Variants in FOXP1 observed in about 807,000 individuals in gnomAD.
FOXP1 encodes forkhead box P1.
In FOXP1, 15 loss-of-function variants were observed where a neutral mutation model predicts 98.2. The ratio of observed to expected loss-of-function variants is 0.15; its 90% CI spans 0.10 to 0.24. FOXP1 has a LOEUF of 0.24. Among genes scored for constraint, FOXP1 ranks in the 10% least tolerant of loss-of-function variants. FOXP1 has a pLI of 1.00. For missense variants in FOXP1, 633 were observed against 848.5 expected (o/e 0.75, Z 3.15); for synonymous variants, 371 against 314.5 (o/e 1.18, Z -1.90).
chr3:71,245,006 A>G (rs1365871692), intron 5 of FOXP1: 1 of 152,124 alleles, frequency 6.6e-6, no homozygotes, highest in Non-Finnish European at 1.5e-5. Context: ...AGTGGCTTAC[A>G]TTTCCAAACA....
intron 3 of FOXP1, among the ~76,000 whole-genome samples, chr3:71,404,829 G>C (rs950624941): frequency 2.0e-5 from 3 of 152,180 alleles, no homozygotes. Flanking sequence ...CTAATCAATA[G>C]TATCAACTGA....
chr3:71,060,244 T>G (rs1236668713), intron 7 of FOXP1, among the ~76,000 whole-genome samples: 1 of 152,174 alleles, frequency 6.6e-6, no homozygotes, highest in Admixed American at 6.5e-5. Flanking sequence ...GCAATCACTC[T>G]TTAGAAAGAA....
intron 3 of FOXP1, among the ~76,000 whole-genome samples, chr3:71,449,749 G>A (rs771280321): frequency 6.6e-6 from 1 of 152,190 alleles, no homozygotes; most frequent in Non-Finnish European, 1.5e-5. Flanking sequence ...TACTGATCAT[G>A]CAATCTGACC....
At chr3:70,976,551 T>C (rs1044758720) in intron 17 of FOXP1, among the ~76,000 whole-genome samples, 2 of 152,212 alleles carry the variant, frequency 1.3e-5, no homozygotes, top group African/African-American at 2.4e-5. Context: ...CCAGGTTCCA[T>C]CTCTGGAGAT....
chr3:71,140,555 A>G (rs1313322867), intron 6 of FOXP1, among the ~76,000 whole-genome samples: 1 of 152,218 alleles, frequency 6.6e-6, no homozygotes, highest in African/African-American at 2.4e-5. Context: ...AATTGTGAAA[A>G]CAGCATTTAT....
chr3:71,375,381 C>T (rs1359645775), intron 3 of FOXP1, among the ~76,000 whole-genome samples: 1 of 152,152 alleles, frequency 6.6e-6, no homozygotes. Flanking sequence ...ACAGACTAAA[C>T]AGTGTGATAT....
At chr3:71,058,394 C>T (rs1378623804) in intron 7 of FOXP1, among the ~76,000 whole-genome samples, 1 of 152,144 alleles carries the variant, frequency 6.6e-6, no homozygotes, top group African/African-American at 2.4e-5. Flanking sequence ...TTTAGAAACT[C>T]TTTTTACCCT....
intron 6 of FOXP1, among the ~76,000 whole-genome samples, chr3:71,179,266 T>A (rs1003789832): frequency 1.3e-5 from 2 of 151,360 alleles, no homozygotes; most frequent in Non-Finnish European, 2.9e-5. Flanking sequence ...GTAGCTGGGA[T>A]TACAGGTGCC....
At chr3:71,367,170 CAGA>C (rs2078982196) in intron 3 of FOXP1, among the ~76,000 whole-genome samples, 1 of 152,170 alleles carries the variant, frequency 6.6e-6, no homozygotes, top group African/African-American at 2.4e-5. Flanking sequence ...AACTTCTGTG[CAGA>C]AGGAGGGAGG....
rs545961530 is a variant in FOXP1, at chr3:71,296,726, A to G, written c.-12+3094T>C. Among the ~76,000 whole-genome samples, 7 of 152,246 alleles carry G rather than the reference A, an allele frequency of 4.6e-5. No individual in the cohort carries two copies. The East Asian group carries it at 9.6e-4, about 21-fold the overall frequency. On this transcript the variant is annotated intron_variant, in intron 5 of 20. Coordinates refer to ENST00000649528, the MANE Select transcript of FOXP1 (RefSeq NM_001349338.3). ...TCTCCCTCTTGAAATCTGGTCCCCA[A>G]TGTCAGAGGAGGGGCCAATAGAAGG...
At chr3:71,560,200 T>C (rs2046431283) in intron 2 of FOXP1, among the ~76,000 whole-genome samples, 1 of 152,208 alleles carries the variant, frequency 6.6e-6, no homozygotes, top group African/African-American at 2.4e-5. Flanking sequence ...CGGTGCTCCA[T>C]AATGTTTTCG....
intron 3 of FOXP1, among the ~76,000 whole-genome samples, chr3:71,418,300 T>A (rs2083375725): frequency 6.6e-6 from 1 of 152,096 alleles, no homozygotes; most frequent in African/African-American, 2.4e-5. Context: ...AAGGCTCAAC[T>A]CAACAAGATG....
intron 19 of FOXP1, chr3:70,969,722 T>C (rs916333142): frequency 6.6e-6 from 1 of 152,174 alleles, no homozygotes; most frequent in Non-Finnish European, 1.5e-5. Context: ...TTATGGTCCT[T>C]TGGAAGGACA....
At chr3:71,186,095 G>T (rs537697904) in intron 6 of FOXP1, among the ~76,000 whole-genome samples, 1 of 152,260 alleles carries the variant, frequency 6.6e-6, no homozygotes, top group Admixed American at 6.5e-5. Context: ...TGAATGCAGG[G>T]TGATACTGAG....
intron 3 of FOXP1, among the ~76,000 whole-genome samples, chr3:71,480,948 C>T (rs1489007725): frequency 6.6e-6 from 1 of 152,166 alleles, no homozygotes; most frequent in African/African-American, 2.4e-5. Context: ...GCCTCAAACA[C>T]TGAGGCACAA....
intron 3 of FOXP1, among the ~76,000 whole-genome samples, chr3:71,476,640 G>A (rs1044905954): frequency 1.3e-4 from 19 of 149,906 alleles, no homozygotes; most frequent in African/African-American, 4.4e-4. Context: ...ACAGGCACCC[G>A]CCATCATGCC....
chr3:71,094,498 C>T (rs2056265621), intron 7 of FOXP1, among the ~76,000 whole-genome samples: 1 of 152,022 alleles, frequency 6.6e-6, no homozygotes, highest in South Asian at 2.1e-4. Context: ...CTTTCCCCAA[C>T]CATTAAAAAA....
intron 6 of FOXP1, among the ~76,000 whole-genome samples, chr3:71,132,697 T>A (rs1194578188): frequency 2.6e-5 from 4 of 152,310 alleles, no homozygotes; most frequent in African/African-American, 7.2e-5. Context: ...TTTTTTTGCA[T>A]AATAAACCAA....
At chr3:71,053,528 C>G in intron 8 of FOXP1, 108 bp downstream of exon 8, 3 of 1,410,910 alleles carry the variant, frequency 2.1e-6, no homozygotes, top group South Asian at 2.4e-5. Flanking sequence ...CTGCTTTACT[C>G]TTCACTGAGC....
Sources: gnomAD v4.1 joint callset for allele counts (sites outside exome capture counted in the v4.1 genomes callset) on GRCh38, gnomAD v4.1.1 for gene constraint, MANE v1.5 for transcripts, NCBI Gene and HGNC (gene_info 2026-07-23, HGNC 2026-07-21) for gene names.